Variants in HDAC4 observed in about 807,000 individuals in gnomAD.
HDAC4 encodes histone deacetylase 4.
HDAC4 carries 16 observed loss-of-function variants against 135.1 expected under a neutral mutation model. The observed-to-expected ratio is 0.12, with a 90% CI of 0.08 to 0.18. HDAC4 has a LOEUF of 0.18. HDAC4 is among the 10% of genes least tolerant of loss of function. The probability of loss-of-function intolerance (pLI) is 1.00; values close to 1 mark genes in which losing one functional copy is unlikely to be tolerated. For synonymous variants in HDAC4, 685 were observed against 653.4 expected, an observed-to-expected ratio of 1.05 and a Z score of -0.74; for missense variants, 1,143 against 1,511.8, an observed-to-expected ratio of 0.76 and a Z score of 4.05.
At chr2:239,092,341 C>A (rs1449352382) in intron 17 of HDAC4, among the ~76,000 whole-genome samples, 1 of 152,108 alleles carries the variant, frequency 6.6e-6, no homozygotes, top group Middle Eastern at 3.2e-3. Flanking sequence ...CCAGCAGAGG[C>A]GGGGTCCCAG....
intron 20 of HDAC4, 124 bp downstream of exon 20, chr2:239,084,031 A>G: frequency 1.4e-6 from 1 of 738,734 alleles, no homozygotes; most frequent in Non-Finnish European, 2.4e-6. Context: ...CATCTTTGAG[A>G]CCGTTTCCAG....
At chr2:239,089,642 A>G (rs2036309633) in intron 18 of HDAC4, 1 of 195,132 alleles carries the variant, frequency 5.1e-6, no homozygotes, top group Admixed American at 5.5e-5. Context: ...TTTTAAATTA[A>G]TAAACATTTT....
intron 1 of HDAC4, among the ~76,000 whole-genome samples, chr2:239,379,810 G>A (rs1695285086): frequency 2.6e-5 from 4 of 152,204 alleles, no homozygotes; most frequent in Admixed American, 2.6e-4. Flanking sequence ...GCCCCACCAC[G>A]GGGTCACACT....
chr2:239,265,140 G>A lies in HDAC4; in HGVS notation c.23-28476C>T, dbSNP rs774247354. Among the ~76,000 whole-genome samples the A allele has an allele frequency of 5.3e-5, 8 of 152,162 alleles. No homozygotes were observed. The South Asian group carries it at 1.2e-3, about 24-fold the overall frequency. ...CTTGAACCACTGTGAACCCGCCCCA[G>A]GGGAGGACTTGCTGCTCCAGGTCAC... On this transcript the variant is annotated intron_variant, in intron 2 of 26. Coordinates refer to ENST00000543185, the MANE Select transcript of HDAC4 (RefSeq NM_001378414.1).
At chr2:239,118,507 A>G (rs1237995244) in intron 12 of HDAC4, among the ~76,000 whole-genome samples, 1 of 152,188 alleles carries the variant, frequency 6.6e-6, no homozygotes, top group Non-Finnish European at 1.5e-5. Flanking sequence ...CGTCGGGAAC[A>G]GGAACGTGCT....
intron 3 of HDAC4, among the ~76,000 whole-genome samples, chr2:239,201,216 G>A (rs986346900): frequency 6.6e-6 from 1 of 152,222 alleles, no homozygotes; most frequent in African/African-American, 2.4e-5. Context: ...AGAGGAGGCT[G>A]GTCTTGCTGG....
At position 239,134,623 on chromosome 2, in the gene HDAC4, A is replaced by G; in HGVS notation, c.999T>C (p.Leu333=). The change falls in exon 10 of 27, where the codon CTT becomes CTC. Residue 333 remains leucine, a synonymous_variant. Transcript: ENST00000543185. The stretch of plus-strand genomic sequence containing the variant: ...GAGCGGCCGAGCCTTCTCGTGCCAC[A>G]AGTCTGTGCGCCAAACTCGTCTGGG... ...IPAETSLAHR[L]VAREGSAAPL... is the part of the protein sequence containing the mutation. 5.6e-6 allele frequency: 9 copies of G among 1,614,168 alleles called. No individual in the cohort carries two copies. Among genetic ancestry groups the G allele is most frequent in the Non-Finnish European group, 7.6e-6 (9 of 1,179,960 alleles).
intron 2 of HDAC4, among the ~76,000 whole-genome samples, chr2:239,238,937 T>C (rs552274136): frequency 8.5e-5 from 13 of 152,324 alleles, no homozygotes; most frequent in Admixed American, 5.2e-4. Flanking sequence ...AAGACATTTA[T>C]TGCATGCTTG....
intron 2 of HDAC4, among the ~76,000 whole-genome samples, chr2:239,346,834 C>A (rs1428133070): frequency 8.3e-6 from 1 of 121,004 alleles, no homozygotes; most frequent in African/African-American, 2.9e-5. Context: ...CACCACCTAA[C>A]ACACACACCC....
In HDAC4 at chr2:239,400,617, G is replaced by T. The variant is rs977874360; in HGVS notation, c.-220+361C>A. 6.8e-6 allele frequency: 1 copy of T among 146,572 alleles called. No homozygotes were observed. The highest frequency in any genetic ancestry group is 1.5e-5 in the Non-Finnish European group (1 of 65,794). The allele number at this position is 146,572 out of a possible 1,614,324, so 9.1% of individuals were successfully genotyped here. On this transcript the variant is annotated intron_variant, in intron 1 of 26. Coordinates refer to ENST00000543185, the MANE Select transcript of HDAC4 (RefSeq NM_001378414.1). The surrounding 1 kb of genome is among the most constrained non-coding windows in gnomAD (Gnocchi z 4.7). Reference sequence around the variant, plus strand: ...GGCGTCCACCTGCCGCGGGCTCCAAGGCCTGCAGGCTGCGCGGGGCGCGGG... The same window carrying T: ...GGCGTCCACCTGCCGCGGGCTCCAATGCCTGCAGGCTGCGCGGGGCGCGGG...
intron 24 of HDAC4, among the ~76,000 whole-genome samples, chr2:239,059,415 C>G (rs917366943): frequency 6.6e-6 from 1 of 151,990 alleles, no homozygotes; most frequent in Non-Finnish European, 1.5e-5. Context: ...GCAGGACTGA[C>G]GGAGGAAACC....
At chr2:239,187,141 C>T (rs537887140) in intron 4 of HDAC4, 2 of 152,804 alleles carry the variant, frequency 1.3e-5, no homozygotes, top group South Asian at 4.1e-4. Flanking sequence ...AGGCCATCCT[C>T]AGCCAGCATC....
At chr2:239,123,640 GCAAT>G (rs1203827288) in intron 12 of HDAC4, among the ~76,000 whole-genome samples, 1 of 152,222 alleles carries the variant, frequency 6.6e-6, no homozygotes, top group Non-Finnish European at 1.5e-5. Flanking sequence ...CGGACACCAC[GCAAT>G]CAAAGCCTTT....
rs561328380 is a variant in HDAC4 at position 239,163,916 on chromosome 2, C to T, written c.498G>A (p.Val166=). The change falls in exon 6 of 27, where the codon GTG becomes GTA. Residue 166 remains valine, a synonymous_variant. Transcript: ENST00000543185. ...KNKEKGKESA[V]ASTEVKMKLQ... is the part of the protein sequence containing the mutation. ...ACTTCATCTTCACTTCTGTGCTGGC[C>T]ACGGCACCTGGCGTGGGAGAAAGCA... The T allele has an allele frequency of 3.1e-6, 5 of 1,614,018 alleles. No homozygotes were observed. Among genetic ancestry groups the T allele is most frequent in the Non-Finnish European group, 4.2e-6 (5 of 1,180,030 alleles).
intron 1 of HDAC4, among the ~76,000 whole-genome samples, chr2:239,392,909 C>T (rs1190283868): frequency 6.6e-6 from 1 of 152,206 alleles, no homozygotes; most frequent in Non-Finnish European, 1.5e-5. Context: ...GTGTGTAAAC[C>T]GGTGGCACTG....
chr2:239,325,310 TAGA>T (rs1160836059), intron 2 of HDAC4, among the ~76,000 whole-genome samples: 2 of 152,108 alleles, frequency 1.3e-5, no homozygotes, highest in Non-Finnish European at 2.9e-5. Context: ...ACCTACAGAA[TAGA>T]AGGAGATATT....
intron 24 of HDAC4, among the ~76,000 whole-genome samples, chr2:239,056,243 T>A (rs1313480357): frequency 6.6e-6 from 1 of 152,050 alleles, no homozygotes; most frequent in East Asian, 1.9e-4. Context: ...AACACGGAAG[T>A]GAGTCAGCAC....
intron 3 of HDAC4, among the ~76,000 whole-genome samples, chr2:239,197,847 TTGTGTGTGTGTGTGTG>T (rs368801140): frequency 1.4e-5 from 2 of 140,126 alleles, no homozygotes; most frequent in East Asian, 2.1e-4. Context: ...CACTAAAAGT[TTGTGTGTGTGTGTGTG>T]TGTGTGTGTG....
intron 2 of HDAC4, among the ~76,000 whole-genome samples, chr2:239,326,264 G>A (rs550599488): frequency 5.3e-5 from 8 of 152,246 alleles, no homozygotes; most frequent in South Asian, 4.1e-4. Flanking sequence ...AAGAAGCCAC[G>A]CACAAAAGGA....
Sources: gnomAD v4.1 joint callset for allele counts (sites outside exome capture counted in the v4.1 genomes callset) on GRCh38, gnomAD v4.1.1 for gene constraint, Gnocchi (gnomAD v3.1) non-coding constraint, MANE v1.5 for transcripts, NCBI Gene and HGNC (gene_info 2026-07-23, HGNC 2026-07-21) for gene names.